Variants in GJB7 observed in about 807,000 individuals in gnomAD.
GJB7 encodes gap junction beta-7 protein.
For synonymous variants in GJB7, 87 were observed against 95.2 expected (o/e 0.91, Z 0.50); for missense variants, 253 against 256.8 (o/e 0.99, Z 0.10).
intron 2 of GJB7, among the ~76,000 whole-genome samples, chr6:87,288,102 C>G (rs1387210185): frequency 6.6e-6 from 1 of 152,024 alleles, no homozygotes; most frequent in African/African-American, 2.4e-5. Flanking sequence ...GGAGTTTCAC[C>G]ATATTGACTA....
intron 1 of GJB7, among the ~76,000 whole-genome samples, chr6:87,325,180 G>T (rs1182658540): frequency 6.6e-6 from 1 of 152,100 alleles, no homozygotes; most frequent in Non-Finnish European, 1.5e-5. Context: ...AGACAATGGG[G>T]TTTTCTAGGT....
intron 2 of GJB7, among the ~76,000 whole-genome samples, chr6:87,289,463 A>G (rs1193618270): frequency 6.6e-6 from 1 of 152,232 alleles, no homozygotes; most frequent in East Asian, 1.9e-4. Context: ...ACGCCAATTT[A>G]CCAAGCAAGC....
intron 2 of GJB7, among the ~76,000 whole-genome samples, chr6:87,304,825 C>T (rs536449644): frequency 5.8e-4 from 88 of 152,302 alleles, no homozygotes; most frequent in African/African-American, 1.7e-3. Flanking sequence ...AGCTTATCAA[C>T]GATGATCAAG....
chr6:87,318,250 C>T (rs898452921), intron 2 of GJB7, among the ~76,000 whole-genome samples: 2 of 152,006 alleles, frequency 1.3e-5, no homozygotes, highest in Non-Finnish European at 2.9e-5. Flanking sequence ...GTCCTTCTTA[C>T]AAGCACCACT....
intron 2 of GJB7, chr6:87,299,768 G>A (rs751261435): frequency 4.4e-5 from 7 of 160,500 alleles, no homozygotes; most frequent in Non-Finnish European, 6.8e-5. Context: ...ATTTAGCCTC[G>A]TAACTTAGAA....
At chr6:87,301,752 G>A (rs773891337) in intron 2 of GJB7, among the ~76,000 whole-genome samples, 10 of 152,152 alleles carry the variant, frequency 6.6e-5, no homozygotes, top group Non-Finnish European at 1.2e-4. Context: ...CCCTGACCCC[G>A]GAGTAGCCTA....
intron 2 of GJB7, among the ~76,000 whole-genome samples, chr6:87,293,205 T>A (rs561267593): frequency 2.6e-5 from 4 of 152,214 alleles, no homozygotes; most frequent in East Asian, 3.9e-4. Context: ...CTAATTTTTT[T>A]ATTTTTAGTA....
chr6:87,291,110 A>G (rs1156803316), intron 2 of GJB7, among the ~76,000 whole-genome samples: 1 of 152,180 alleles, frequency 6.6e-6, no homozygotes, highest in Non-Finnish European at 1.5e-5. Context: ...AGCTTCAAAG[A>G]ATCAGGCTTC....
intron 2 of GJB7, among the ~76,000 whole-genome samples, chr6:87,295,899 C>T (rs1305168996): frequency 6.6e-6 from 1 of 152,238 alleles, no homozygotes; most frequent in Admixed American, 6.5e-5. Context: ...GAAGAACTCA[C>T]ATATTACCTA....
intron 2 of GJB7, among the ~76,000 whole-genome samples, chr6:87,286,184 C>T (rs1027138237): frequency 9.9e-5 from 15 of 152,184 alleles, no homozygotes; most frequent in Non-Finnish European, 2.1e-4. Flanking sequence ...CTCCCTAAAC[C>T]TACACAGCTC....
At chr6:87,298,319 A>T (rs1348615550) in intron 2 of GJB7, among the ~76,000 whole-genome samples, 2 of 152,236 alleles carry the variant, frequency 1.3e-5, no homozygotes, top group Non-Finnish European at 2.9e-5. Context: ...GTTTTCACTG[A>T]TATAGAAGCA....
intron 2 of GJB7, among the ~76,000 whole-genome samples, chr6:87,302,915 G>A (rs957846949): frequency 2.6e-5 from 4 of 152,212 alleles, no homozygotes; most frequent in African/African-American, 7.2e-5. Context: ...AGAATTTCGT[G>A]TCCAGCCAAA....
chr6:87,310,023 T>A (rs896365887), intron 2 of GJB7, among the ~76,000 whole-genome samples: 1 of 152,196 alleles, frequency 6.6e-6, no homozygotes, highest in Non-Finnish European at 1.5e-5. Flanking sequence ...TAGTCCTTAA[T>A]CTTTTATGGT....
intron 2 of GJB7, among the ~76,000 whole-genome samples, chr6:87,308,808 TA>T (rs538408883): frequency 6.7e-6 from 1 of 149,718 alleles, no homozygotes. Flanking sequence ...GGCAACCAGA[TA>T]AAAAAAAATG....
At chr6:87,308,330 C>G (rs1776464247) in intron 2 of GJB7, among the ~76,000 whole-genome samples, 1 of 152,088 alleles carries the variant, frequency 6.6e-6, no homozygotes, top group African/African-American at 2.4e-5. Flanking sequence ...ACATATGTAA[C>G]AAACCTGCAT....
intron 2 of GJB7, among the ~76,000 whole-genome samples, chr6:87,302,402 T>C (rs1002607876): frequency 1.3e-5 from 2 of 152,196 alleles, no homozygotes; most frequent in African/African-American, 4.8e-5. Flanking sequence ...AGTAGCCAAT[T>C]CCATCAACTG....
At chr6:87,301,813 T>G in intron 2 of GJB7, among the ~76,000 whole-genome samples, 1 of 152,184 alleles carries the variant, frequency 6.6e-6, no homozygotes, top group Non-Finnish European at 1.5e-5. Context: ...CATGGCCGGG[T>G]ACCCCTCTGA....
chr6:87,317,576 C>T (rs916171973), intron 2 of GJB7, among the ~76,000 whole-genome samples: 14 of 151,940 alleles, frequency 9.2e-5, no homozygotes, highest in East Asian at 1.9e-4. Flanking sequence ...ATTACGGGCA[C>T]GCGCCACCAT....
At chr6:87,311,708 G>C (rs1416453542) in intron 2 of GJB7, among the ~76,000 whole-genome samples, 1 of 152,202 alleles carries the variant, frequency 6.6e-6, no homozygotes, top group Non-Finnish European at 1.5e-5. Flanking sequence ...ACCTCAGTAA[G>C]CAAACTGATT....
Sources: allele counts gnomAD v4.1 joint callset (sites outside exome capture counted in the v4.1 genomes callset), GRCh38; gene constraint gnomAD v4.1.1; transcripts MANE v1.5; gene names NCBI Gene and HGNC (gene_info 2026-07-23, HGNC 2026-07-21).